The following PDE10A variants were observed in gnomAD, a reference collection of about 807,000 sequenced individuals.
The protein encoded by PDE10A is cAMP and cAMP-inhibited cGMP 3',5'-cyclic phosphodiesterase 10A.
A neutral mutation model predicts 97.7 loss-of-function variants in PDE10A; 39 were observed. That is an observed-to-expected ratio of 0.40 (90% CI 0.31 to 0.52). PDE10A has a LOEUF of 0.52. Among genes scored for constraint, PDE10A ranks in the 20% least tolerant of loss-of-function variants. The pLI, the probability that PDE10A is intolerant of heterozygous loss-of-function variation, is 0.56. For synonymous variants in PDE10A, 371 were observed against 376.8 expected (o/e 0.98, Z 0.18); for missense variants, 731 against 1,047.8 (o/e 0.70, Z 4.17).
At chr6:165,735,986 C>T (rs904738859) in intron 1 of PDE10A, among the ~76,000 whole-genome samples, 1 of 152,140 alleles carries the variant, frequency 6.6e-6, no homozygotes, top group Non-Finnish European at 1.5e-5. Flanking sequence ...ATAATATCTT[C>T]AAAGTTGTGA....
At chr6:165,618,989 G>GTAGTC (rs1327942515) in intron 1 of PDE10A, among the ~76,000 whole-genome samples, 3 of 139,890 alleles carry the variant, frequency 2.1e-5, no homozygotes, top group African/African-American at 7.8e-5. Context: ...CTAGTGTAGT[G>GTAGTC]TAGTCTAGTG....
At chr6:165,453,961 A>G (rs1003443703) in intron 3 of PDE10A, among the ~76,000 whole-genome samples, 2 of 152,172 alleles carry the variant, frequency 1.3e-5, no homozygotes, top group East Asian at 1.9e-4. Context: ...AGCAAAAATC[A>G]TAAGGGCAAG....
At chr6:165,840,389 C>A (rs1014467799) in intron 1 of PDE10A, among the ~76,000 whole-genome samples, 8 of 152,328 alleles carry the variant, frequency 5.3e-5, no homozygotes, top group Admixed American at 4.6e-4. Context: ...GCAAGAATTT[C>A]CTTTTGCTCC....
intron 1 of PDE10A, among the ~76,000 whole-genome samples, chr6:165,897,339 G>A (rs1416059213): frequency 1.3e-5 from 2 of 151,936 alleles, no homozygotes; most frequent in Admixed American, 1.3e-4. Context: ...AAACACCTGG[G>A]GAGGGATGCC....
chr6:165,332,791 C>G lies in PDE10A; in HGVS notation c.*234G>C, dbSNP rs912000927. 4.2e-6 allele frequency: 2 copies of G among 480,732 alleles called. No homozygotes were observed. The highest frequency in any genetic ancestry group is 4.0e-5 in the African/African-American group (2 of 49,984). The allele number at this position is 480,732 out of a possible 1,614,324, so 29.8% of individuals were successfully genotyped here. ...AAGTCAAATGGAGTCACTTGGCCAG[C>G]TGATTTCTGAACGTGGGGGTGGTCC... On this transcript the variant is annotated 3_prime_UTR_variant, in exon 22 of 22. Coordinates refer to ENST00000539869, the MANE Select transcript of PDE10A (RefSeq NM_001385079.1).
In PDE10A at chr6:165,560,822, G is replaced by T. The variant is rs189949532; in HGVS notation, c.866-17254C>A. ...GTGGCCCCAGGTGTTAGAGGTGGGG[G>T]CTGCTGAGAGGTGACTGGATTATGG... On this transcript the variant is annotated intron_variant, in intron 1 of 21. Coordinates refer to ENST00000539869, the MANE Select transcript of PDE10A (RefSeq NM_001385079.1). 2.5e-3 allele frequency among the ~76,000 whole-genome samples: 373 copies of T among 152,170 alleles called. 1 individual carries two copies. The highest frequency in any genetic ancestry group is 3.6e-3 in the Non-Finnish European group (245 of 68,006).
intron 2 of PDE10A, among the ~76,000 whole-genome samples, chr6:165,491,613 CAG>C (rs1780230562): frequency 6.6e-6 from 1 of 152,070 alleles, no homozygotes; most frequent in African/African-American, 2.4e-5. Flanking sequence ...CAGACAAATA[CAG>C]AGAAGTTAAA....
chr6:165,614,949 C>T (rs1411713552), intron 1 of PDE10A, among the ~76,000 whole-genome samples: 3 of 151,954 alleles, frequency 2.0e-5, no homozygotes, highest in Admixed American at 6.6e-5. Context: ...CAGTGGCTCA[C>T]GCCTGTAATA....
At chr6:165,467,466 T>C (rs1036723721) in intron 3 of PDE10A, among the ~76,000 whole-genome samples, 1 of 152,174 alleles carries the variant, frequency 6.6e-6, no homozygotes, top group African/African-American at 2.4e-5. Context: ...AAGTTGAATC[T>C]AAGGCTCAGT....
At chr6:165,933,020 G>T (rs1167829045) in intron 1 of PDE10A, among the ~76,000 whole-genome samples, 1 of 152,150 alleles carries the variant, frequency 6.6e-6, no homozygotes, top group Admixed American at 6.5e-5. Context: ...GTTGATTCCT[G>T]GTCTGGGGAG....
intron 18 of PDE10A, among the ~76,000 whole-genome samples, chr6:165,354,802 A>G (rs2128188684): frequency 6.6e-6 from 1 of 152,318 alleles, no homozygotes; most frequent in Non-Finnish European, 1.5e-5. Context: ...AAGGTTTCCA[A>G]TAGCCATGAA....
chr6:165,729,161 T>C (rs1027742610), intron 1 of PDE10A, among the ~76,000 whole-genome samples: 4 of 150,788 alleles, frequency 2.7e-5, no homozygotes, highest in Admixed American at 6.6e-5. Context: ...ATGATCATGC[T>C]ACTGCACTCC....
intron 18 of PDE10A, among the ~76,000 whole-genome samples, chr6:165,360,152 A>G (rs1783310137): frequency 1.3e-5 from 2 of 152,162 alleles, no homozygotes; most frequent in Admixed American, 1.3e-4. Flanking sequence ...TCTACTCTAG[A>G]TGAGCTGAAA....
intron 3 of PDE10A, among the ~76,000 whole-genome samples, chr6:165,464,675 A>G (rs1446180335): frequency 1.3e-5 from 2 of 152,200 alleles, no homozygotes; most frequent in Non-Finnish European, 2.9e-5. Context: ...CCCTGTCCTC[A>G]AAACAGCCAC....
chr6:165,809,523 C>T (rs1432976631), intron 1 of PDE10A, among the ~76,000 whole-genome samples: 2 of 152,190 alleles, frequency 1.3e-5, no homozygotes. Flanking sequence ...TGGTGACCCC[C>T]ATACCCACAC....
At chr6:165,952,305 G>A (rs1369302900) in intron 1 of PDE10A, among the ~76,000 whole-genome samples, 3 of 152,208 alleles carry the variant, frequency 2.0e-5, no homozygotes, top group East Asian at 3.9e-4. Context: ...CATGTCTCAC[G>A]GAGCATAACT....
chr6:165,420,643 T>C (rs1216791627), intron 10 of PDE10A, among the ~76,000 whole-genome samples: 1 of 152,226 alleles, frequency 6.6e-6, no homozygotes, highest in Non-Finnish European at 1.5e-5. Context: ...TATGTTAATA[T>C]TTGTTTAAAA....
At chr6:165,404,725 T>C (rs1398000047) in intron 13 of PDE10A, among the ~76,000 whole-genome samples, 4 of 152,204 alleles carry the variant, frequency 2.6e-5, no homozygotes, top group East Asian at 3.9e-4. Context: ...CCTCTACAAA[T>C]TGAGCTAATG....
chr6:165,897,916 C>T (rs1019702085), intron 1 of PDE10A, among the ~76,000 whole-genome samples: 2 of 152,082 alleles, frequency 1.3e-5, no homozygotes, highest in African/African-American at 2.4e-5. Context: ...TCCTACCTCT[C>T]ACCTCATGTC....
Sources: gnomAD v4.1 joint callset for allele counts (sites outside exome capture counted in the v4.1 genomes callset) on GRCh38, gnomAD v4.1.1 for gene constraint, MANE v1.5 for transcripts, NCBI Gene and HGNC (gene_info 2026-07-23, HGNC 2026-07-21) for gene names.